The following ATG10 variants were observed in gnomAD, a reference collection of about 807,000 sequenced individuals.
ATG10 encodes the protein ubiquitin-like-conjugating enzyme ATG10.
Under a neutral mutation model 32.1 loss-of-function variants are expected in ATG10, and 30 were observed. The ratio of observed to expected loss-of-function variants is 0.94; its 90% confidence interval spans 0.70 to 1.27. The LOEUF (loss-of-function observed/expected upper bound fraction) is 1.27. ATG10 is among the 50% of genes most tolerant of loss of function. ATG10 has a pLI of 0.00. For missense variants in ATG10, 233 were observed against 262.3 expected (o/e 0.89, Z 0.77); for synonymous variants, 87 against 91.5 (o/e 0.95, Z 0.28).
At chr5:82,206,906 T>C (rs1022523802) in intron 5 of ATG10, among the ~76,000 whole-genome samples, 11 of 152,232 alleles carry the variant, frequency 7.2e-5, no homozygotes, top group Admixed American at 5.9e-4. Flanking sequence ...TTGTATTCTT[T>C]TAATTCTGGT....
chr5:82,010,772 A>G (rs1762107506), intron 2 of ATG10, among the ~76,000 whole-genome samples: 1 of 152,144 alleles, frequency 6.6e-6, no homozygotes, highest in African/African-American at 2.4e-5. Flanking sequence ...CTTTTCCAAT[A>G]TTTATGGCTT....
At chr5:82,010,822 G>A (rs892183224) in intron 2 of ATG10, among the ~76,000 whole-genome samples, 1 of 152,110 alleles carries the variant, frequency 6.6e-6, no homozygotes, top group Non-Finnish European at 1.5e-5. Flanking sequence ...AGAACAAGTT[G>A]TGCACTATAG....
At position 82,209,337 on chromosome 5, in the gene ATG10, C is replaced by T. The variant is rs1311135638; in HGVS notation, c.453+30750C>T. On this transcript the variant is annotated intron_variant, in intron 5 of 7. Transcript: ENST00000282185. Reference sequence around the variant, plus strand: ...AAATCGTATGTTGAAACCTATGCATCCCCAATGTAATGGTATTTGAAGGTG... The same window carrying T: ...AAATCGTATGTTGAAACCTATGCATTCCCAATGTAATGGTATTTGAAGGTG... 2.6e-5 allele frequency among the ~76,000 whole-genome samples: 4 copies of T among 152,198 alleles called. No individual in the cohort carries two copies. The East Asian group carries it at 5.8e-4, about 22-fold the overall frequency.
chr5:82,098,805 T>C (rs757126919), intron 3 of ATG10, among the ~76,000 whole-genome samples: 7 of 152,236 alleles, frequency 4.6e-5, no homozygotes, highest in Non-Finnish European at 1.0e-4. Flanking sequence ...GCTGAATAGA[T>C]AGTTCTTTAA....
At chr5:82,080,423 A>C (rs1038604545) in intron 3 of ATG10, among the ~76,000 whole-genome samples, 3 of 152,206 alleles carry the variant, frequency 2.0e-5, no homozygotes, top group African/African-American at 7.2e-5. Flanking sequence ...TGTTTTAGAC[A>C]TGAAGTCCTT....
intron 3 of ATG10, among the ~76,000 whole-genome samples, chr5:82,120,900 TC>T (rs1249082014): frequency 6.6e-6 from 1 of 152,204 alleles, no homozygotes; most frequent in Non-Finnish European, 1.5e-5. Flanking sequence ...TTTAAAAGGT[TC>T]TAATATTTTT....
intron 3 of ATG10, among the ~76,000 whole-genome samples, chr5:82,157,062 G>A (rs373251389): frequency 6.6e-6 from 1 of 152,124 alleles, no homozygotes; most frequent in Admixed American, 6.6e-5. Context: ...GTGCTGTGGC[G>A]GGTTTCTGCA....
At chr5:82,138,849 CTCCCCCT>C (rs1766892294) in intron 3 of ATG10, among the ~76,000 whole-genome samples, 1 of 17,820 alleles carries the variant, frequency 5.6e-5, no homozygotes, top group Non-Finnish European at 1.2e-4. Context: ...CTCCCTCCCC[CTCCCCCT>C]CCCCCTCCCC....
chr5:82,078,047 A>G (rs1257604200), intron 3 of ATG10, among the ~76,000 whole-genome samples: 1 of 152,102 alleles, frequency 6.6e-6, no homozygotes, highest in African/African-American at 2.4e-5. Flanking sequence ...TAATATGGTC[A>G]TTTTTCTTCG....
At chr5:82,210,762 A>G (rs558426791) in intron 5 of ATG10, among the ~76,000 whole-genome samples, 1 of 152,244 alleles carries the variant, frequency 6.6e-6, no homozygotes, top group Admixed American at 6.5e-5. Context: ...TACCTGCCCC[A>G]CCTCAAGGCA....
At chr5:82,234,607 G>A (rs942775560) in intron 5 of ATG10, among the ~76,000 whole-genome samples, 3 of 152,180 alleles carry the variant, frequency 2.0e-5, no homozygotes, top group Non-Finnish European at 2.9e-5. Flanking sequence ...GTAAATCAGG[G>A]ACTTTGAAAT....
chr5:81,990,389 CA>C (rs1201360100), intron 2 of ATG10, among the ~76,000 whole-genome samples: 1 of 151,964 alleles, frequency 6.6e-6, no homozygotes, highest in African/African-American at 2.4e-5. Flanking sequence ...TCCTGTTAAC[CA>C]TTCCATTACC....
chr5:82,253,524 C>A, intron 7 of ATG10, 95 bp downstream of exon 7: 2 of 849,904 alleles, frequency 2.4e-6, no homozygotes, highest in East Asian at 2.5e-5. Flanking sequence ...AATTTGCTTT[C>A]ATCTTTAGTG....
At chr5:82,244,603 A>C (rs1746948125) in intron 5 of ATG10, among the ~76,000 whole-genome samples, 1 of 152,130 alleles carries the variant, frequency 6.6e-6, no homozygotes, top group South Asian at 2.1e-4. Context: ...GGCAAATTTG[A>C]TCAGTCTGGA....
intron 3 of ATG10, among the ~76,000 whole-genome samples, chr5:82,130,713 G>A (rs1251966269): frequency 1.3e-5 from 2 of 152,086 alleles, no homozygotes; most frequent in African/African-American, 4.8e-5. Flanking sequence ...AGCCGGGCAC[G>A]TCAGTTGGAA....
At chr5:82,074,872 A>G (rs1408153282) in intron 3 of ATG10, among the ~76,000 whole-genome samples, 1 of 152,190 alleles carries the variant, frequency 6.6e-6, no homozygotes, top group Admixed American at 6.5e-5. Flanking sequence ...AGACAGAAGC[A>G]CCTTTTTTCT....
At chr5:82,073,437 C>T (rs1194651751) in intron 3 of ATG10, 2 of 152,130 alleles carry the variant, frequency 1.3e-5, no homozygotes, top group East Asian at 1.9e-4. Context: ...CTTTGTGTAG[C>T]AGGTGGTGTG....
chr5:82,187,625 C>G (rs1393621368), intron 5 of ATG10, among the ~76,000 whole-genome samples: 1 of 151,630 alleles, frequency 6.6e-6, no homozygotes, highest in African/African-American at 2.4e-5. Flanking sequence ...GTTGCCCAGG[C>G]TGGAGTGCAG....
chr5:81,989,849 C>T lies in ATG10; in HGVS notation c.108+2171C>T, dbSNP rs534221168. 1.1e-3 allele frequency among the ~76,000 whole-genome samples: 173 copies of T among 152,268 alleles called. 2 individuals carry two copies. The highest frequency in any genetic ancestry group is 2.3e-3 in the Admixed American group (35 of 15,302). ...TTGTGATCTGCCTGCCTCGGCCTCC[C>T]AAAGTGCTGGGATCACAAGCGTGAG... On this transcript the variant is annotated intron_variant, in intron 2 of 7. Transcript: ENST00000282185.
Sources: allele counts gnomAD v4.1 joint callset (sites outside exome capture counted in the v4.1 genomes callset), GRCh38; gene constraint gnomAD v4.1.1; transcripts MANE v1.5; gene names NCBI Gene and HGNC (gene_info 2026-07-23, HGNC 2026-07-21).